STK32B: variants seen among roughly 807,000 people sequenced by gnomAD.
The protein encoded by STK32B is serine/threonine kinase 32B.
STK32B carries 43 observed loss-of-function variants against 52.6 expected under a neutral mutation model. The ratio of observed to expected loss-of-function variants is 0.82; its 90% CI spans 0.64 to 1.05. The LOEUF (loss-of-function observed/expected upper bound fraction) is 1.05, where lower values mean the gene tolerates loss of function less well. STK32B is among the 50% of genes least tolerant of loss of function. The pLI is 0.00. For missense variants in STK32B, 621 were observed against 534.6 expected, an observed-to-expected ratio of 1.16 and a Z score of -1.59; for synonymous variants, 238 against 204.3, an observed-to-expected ratio of 1.17 and a Z score of -1.41.
At chr4:5,040,879 C>T in the STK32B span, among the ~76,000 whole-genome samples, 2 of 152,156 alleles carry the variant, frequency 1.3e-5, no homozygotes, top group Non-Finnish European at 2.9e-5. Context: ...CAAACCTGTG[C>T]AGCATGAATA....
intron 3 of STK32B, among the ~76,000 whole-genome samples, chr4:5,255,786 T>C (rs1201202028): frequency 6.6e-6 from 1 of 152,236 alleles, no homozygotes; most frequent in East Asian, 1.9e-4. Context: ...TATTGCCTAC[T>C]CTTCTACTAT....
rs146176762 is a variant in STK32B at position 5,380,235 on chromosome 4, C to T, written c.435-17972C>T. ...AGATAAAAAAGAAAATGGAACTGAA[C>T]ATGCTATGTCAGAGCAACCCCATCC... On this transcript the variant is annotated intron_variant, in intron 4 of 11. Coordinates refer to ENST00000282908, the MANE Select transcript of STK32B (RefSeq NM_018401.3). This position sits in a 1 kb window ranked among gnomAD's most constrained non-coding sequence, Gnocchi z 4.3. Among the ~76,000 whole-genome samples, 121 of 152,278 alleles carry T rather than the reference C, an allele frequency of 7.9e-4. No homozygotes were observed. Among genetic ancestry groups the T allele is most frequent in the Non-Finnish European group, 1.5e-3 (105 of 68,020 alleles).
At chr4:5,199,722 G>T (rs1160131112) in intron 3 of STK32B, among the ~76,000 whole-genome samples, 1 of 151,968 alleles carries the variant, frequency 6.6e-6, no homozygotes, top group Non-Finnish European at 1.5e-5. Context: ...AATTGTCCAG[G>T]TCTTTAAATG....
Position 5,460,319 on chromosome 4 carries a change from C to G in STK32B, c.909+91C>G. On this transcript the variant is annotated intron_variant, in intron 9 of 11. Coordinates refer to ENST00000282908, the MANE Select transcript of STK32B (RefSeq NM_018401.3). This position sits in a 1 kb window ranked among gnomAD's most constrained non-coding sequence, Gnocchi z 4.8. ...AGACTTTGGCAGCTGGCTAGTGAGC[C>G]CTCTGCTGGCCACTTCCACCTGAGC... 2.0e-6 allele frequency: 3 copies of G among 1,512,400 alleles called. No individual in the cohort carries two copies. Among genetic ancestry groups the G allele is most frequent in the Non-Finnish European group, 2.7e-6 (3 of 1,128,220 alleles). The allele number at this position is 1,512,400 out of a possible 1,614,324, so 93.7% of individuals were successfully genotyped here. A position where few individuals can be genotyped will look rare whatever the true frequency, so the allele number is the denominator to read the frequency against.
intron 3 of STK32B, among the ~76,000 whole-genome samples, chr4:5,245,576 A>C (rs1277819252): frequency 1.3e-5 from 2 of 152,126 alleles, no homozygotes; most frequent in African/African-American, 2.4e-5. Context: ...ATTTACATTT[A>C]AGGTTAATAT....
At chr4:5,075,099 AT>A (rs1473319204) in intron 1 of STK32B, among the ~76,000 whole-genome samples, 1 of 152,132 alleles carries the variant, frequency 6.6e-6, no homozygotes, top group East Asian at 1.9e-4. Flanking sequence ...TTGTATGCAC[AT>A]TTTGGGGCAC....
At chr4:5,070,233 C>G (rs867242670) in intron 1 of STK32B, among the ~76,000 whole-genome samples, 16 of 152,168 alleles carry the variant, frequency 1.1e-4, no homozygotes, top group African/African-American at 3.1e-4. Flanking sequence ...GAGGCCCGTT[C>G]TTAGAAGTCT....
At chr4:5,221,673 T>G (rs370344589) in intron 3 of STK32B, among the ~76,000 whole-genome samples, 4 of 151,986 alleles carry the variant, frequency 2.6e-5, no homozygotes, top group Non-Finnish European at 4.4e-5. Flanking sequence ...CTAGCCAACA[T>G]AGTGAAACGC....
At chr4:5,178,869 C>G (rs1190601009) in intron 3 of STK32B, among the ~76,000 whole-genome samples, 1 of 152,184 alleles carries the variant, frequency 6.6e-6, no homozygotes, top group Admixed American at 6.5e-5. Context: ...GAGTTTCCAA[C>G]TTTCCCACAT....
chr4:5,337,602 G>T (rs181086671), intron 4 of STK32B, among the ~76,000 whole-genome samples: 1 of 152,194 alleles, frequency 6.6e-6, no homozygotes, highest in East Asian at 1.9e-4. Context: ...AGAGACCCCG[G>T]GAGAGACTTC....
At chr4:5,070,383 A>C (rs913634584) in intron 1 of STK32B, among the ~76,000 whole-genome samples, 2 of 152,062 alleles carry the variant, frequency 1.3e-5, no homozygotes, top group Non-Finnish European at 2.9e-5. Flanking sequence ...CTATGGAGAG[A>C]CTGGGGGCTG....
intron 11 of STK32B, among the ~76,000 whole-genome samples, chr4:5,479,579 A>G (rs1286777379): frequency 2.6e-5 from 4 of 152,192 alleles, no homozygotes; most frequent in Non-Finnish European, 5.9e-5. Context: ...TTCTATGTGA[A>G]GGAAAAGTTT....
intron 1 of STK32B, among the ~76,000 whole-genome samples, chr4:5,064,530 A>T (rs1392365524): frequency 1.7e-5 from 1 of 57,332 alleles, no homozygotes; most frequent in African/African-American, 5.2e-5. Flanking sequence ...TTATATACAT[A>T]TATAATATAT....
At chr4:5,117,895 G>A (rs933285210) in intron 1 of STK32B, among the ~76,000 whole-genome samples, 8 of 152,020 alleles carry the variant, frequency 5.3e-5, no homozygotes, top group African/African-American at 1.9e-4. Context: ...AGCATCCCAG[G>A]GATAAATCAT....
At chr4:5,444,771 T>A (rs950124426) in intron 6 of STK32B, among the ~76,000 whole-genome samples, 1 of 152,188 alleles carries the variant, frequency 6.6e-6, no homozygotes. Flanking sequence ...AACAGCCCAA[T>A]GAATAAACCA....
intron 4 of STK32B, among the ~76,000 whole-genome samples, chr4:5,369,004 C>CTCTG (rs1735057109): frequency 3.3e-5 from 5 of 152,078 alleles, no homozygotes; most frequent in African/African-American, 1.2e-4. Flanking sequence ...GGACACAGAG[C>CTCTG]TGTCCACATC....
chr4:5,402,363 C>T (rs1251783789), intron 5 of STK32B, among the ~76,000 whole-genome samples: 4 of 152,206 alleles, frequency 2.6e-5, no homozygotes, highest in African/African-American at 9.7e-5. Context: ...AGGTGGACTT[C>T]CCCAAAGGTG....
intron 3 of STK32B, among the ~76,000 whole-genome samples, chr4:5,305,020 G>A (rs58133320): frequency 0.11 from 16,218 of 151,942 alleles, 2,567 homozygotes; most frequent in African/African-American, 0.35. Flanking sequence ...AATCATCCCT[G>A]CATCCCTGTT....
chr4:5,271,714 C>T (rs1210333182), intron 3 of STK32B, among the ~76,000 whole-genome samples: 1 of 146,010 alleles, frequency 6.8e-6, no homozygotes, highest in Non-Finnish European at 1.5e-5. Context: ...TGAAGAGGTC[C>T]TTCACATCCC....
Sources: gnomAD v4.1 joint callset for allele counts (sites outside exome capture counted in the v4.1 genomes callset) on GRCh38, gnomAD v4.1.1 for gene constraint, Gnocchi (gnomAD v3.1) non-coding constraint, MANE v1.5 for transcripts, NCBI Gene and HGNC (gene_info 2026-07-23, HGNC 2026-07-21) for gene names.